RBFOX2: variants seen among roughly 807,000 people sequenced by gnomAD.
The protein encoded by RBFOX2 is RNA binding fox-1 homolog 2.
RBFOX2 carries 10 observed loss-of-function variants against 49.1 expected under a neutral mutation model. The ratio of observed to expected loss-of-function variants is 0.20; its 90% CI spans 0.13 to 0.35. The LOEUF is 0.35. RBFOX2 is among the 10% of genes least tolerant of loss of function. The pLI is 1.00. For synonymous variants in RBFOX2, 183 were observed against 187.4 expected, an observed-to-expected ratio of 0.98 and a Z score of 0.19; for missense variants, 323 against 486.9, an observed-to-expected ratio of 0.66 and a Z score of 3.17.
chr22:35,862,829 A>T (rs1293523943), intron 1 of RBFOX2, among the ~76,000 whole-genome samples: 1 of 152,176 alleles, frequency 6.6e-6, no homozygotes, highest in Non-Finnish European at 1.5e-5. Context: ...TACCTATCTC[A>T]TGGGGCTGCT....
chr22:36,028,574 C>A, exon 1 of RBFOX2: 1 of 734,382 alleles, frequency 1.4e-6, no homozygotes, highest in Non-Finnish European at 1.7e-6. Context: ...GGACTCCGCG[C>A]CCCTCCGCGC....
chr22:35,860,508 T>C (rs778901489), intron 1 of RBFOX2, among the ~76,000 whole-genome samples: 2 of 152,214 alleles, frequency 1.3e-5, no homozygotes, highest in Admixed American at 6.5e-5. Context: ...GTGGGAAAGT[T>C]TGTTACACAG....
intron 9 of RBFOX2, among the ~76,000 whole-genome samples, chr22:35,752,988 CAG>C (rs772779186): frequency 2.6e-5 from 4 of 152,096 alleles, no homozygotes; most frequent in Non-Finnish European, 4.4e-5. Context: ...ATAAAAGAAA[CAG>C]AAAGTAAATG....
intron 1 of RBFOX2, among the ~76,000 whole-genome samples, chr22:35,890,371 C>T (rs543984178): frequency 3.9e-5 from 6 of 152,140 alleles, no homozygotes; most frequent in South Asian, 4.1e-4. Context: ...ATATATACTA[C>T]GATTAAGTTT....
chr22:35,937,649 G>A (rs534560099), intron 1 of RBFOX2, among the ~76,000 whole-genome samples: 16 of 152,262 alleles, frequency 1.1e-4, no homozygotes, highest in African/African-American at 3.1e-4. Flanking sequence ...GGAATGCAAT[G>A]GTGTAGTCTC....
At chr22:35,821,813 G>T in intron 1 of RBFOX2, 1 of 518,870 alleles carries the variant, frequency 1.9e-6, no homozygotes, top group South Asian at 1.4e-5. Context: ...TAGGACTGTA[G>T]GACCTGGCCT....
intron 4 of RBFOX2, among the ~76,000 whole-genome samples, chr22:35,769,054 T>C (rs563014404): frequency 6.6e-6 from 1 of 152,192 alleles, no homozygotes; most frequent in Non-Finnish European, 1.5e-5. Flanking sequence ...ATGCCCTTTT[T>C]AAATGACCAG....
chr22:35,968,348 CA>C (rs1342540180), intron 1 of RBFOX2, among the ~76,000 whole-genome samples: 1 of 152,142 alleles, frequency 6.6e-6, no homozygotes, highest in Non-Finnish European at 1.5e-5. Context: ...TCATAAGCCT[CA>C]AAATAGAATT....
chr22:35,924,155 T>C (rs1185910092), intron 1 of RBFOX2, among the ~76,000 whole-genome samples: 5 of 152,210 alleles, frequency 3.3e-5, no homozygotes, highest in African/African-American at 1.2e-4. Context: ...ATAGTCAGTA[T>C]TCCACCTGTT....
chr22:35,761,203 G>A (rs774540715), exon 8 of RBFOX2: 6 of 1,612,022 alleles, frequency 3.7e-6, no homozygotes, highest in Middle Eastern at 3.3e-4. Context: ...GCTACTTACT[G>A]ATTAAAGGAA....
upstream of RBFOX2, among the ~76,000 whole-genome samples, chr22:35,962,869 G>C (rs751651669): frequency 9.2e-5 from 14 of 151,788 alleles, no homozygotes; most frequent in Non-Finnish European, 1.8e-4. Context: ...CTGAATCAAC[G>C]CAGTGGCTAT....
chr22:35,868,325 T>C (rs1273638276), intron 1 of RBFOX2, among the ~76,000 whole-genome samples: 1 of 152,200 alleles, frequency 6.6e-6, no homozygotes, highest in South Asian at 2.1e-4. Context: ...TTGAATCAAA[T>C]AAGGACCAAT....
intron 1 of RBFOX2, among the ~76,000 whole-genome samples, chr22:35,923,040 G>A (rs1372714821): frequency 6.6e-6 from 1 of 152,202 alleles, no homozygotes; most frequent in African/African-American, 2.4e-5. Flanking sequence ...CCTGCACGTG[G>A]TGAGGGGTCA....
intron 1 of RBFOX2, among the ~76,000 whole-genome samples, chr22:35,937,321 A>T (rs1218580517): frequency 6.6e-6 from 1 of 152,200 alleles, no homozygotes; most frequent in East Asian, 1.9e-4. Flanking sequence ...ATAAATCTTT[A>T]CATTCTCTTT....
intron 9 of RBFOX2, chr22:35,748,427 A>G (rs1933628993): frequency 6.6e-6 from 1 of 152,056 alleles, no homozygotes. Context: ...ATCTGGGCAA[A>G]GCTGTAAATC....
intron 1 of RBFOX2, among the ~76,000 whole-genome samples, chr22:35,901,889 C>T (rs1157984858): frequency 6.6e-6 from 1 of 152,080 alleles, no homozygotes; most frequent in Non-Finnish European, 1.5e-5. Flanking sequence ...CAAGACCAGC[C>T]TGGCCAACAT....
At chr22:35,978,054 G>C (rs2057283607) in intron 1 of RBFOX2, among the ~76,000 whole-genome samples, 1 of 152,088 alleles carries the variant, frequency 6.6e-6, no homozygotes, top group South Asian at 2.1e-4. Flanking sequence ...GAGGATTCCA[G>C]AACATGAGGA....
intron 1 of RBFOX2, among the ~76,000 whole-genome samples, chr22:35,853,658 CGTGTGTGTGTGTGTGTGT>C (rs36048607): frequency 0.013 from 1,841 of 141,134 alleles, 40 homozygotes; most frequent in African/African-American, 0.043. Flanking sequence ...TATATACACA[CGTGTGTGTGTGTGTGTGT>C]GTGTGTGTGT....
intron 1 of RBFOX2, among the ~76,000 whole-genome samples, chr22:35,824,063 C>T (rs1329634402): frequency 6.6e-6 from 1 of 151,932 alleles, no homozygotes; most frequent in East Asian, 1.9e-4. Flanking sequence ...GCAGGAGATT[C>T]GCTTCAACTC....
Sources: allele counts gnomAD v4.1 joint callset (sites outside exome capture counted in the v4.1 genomes callset), GRCh38; gene constraint gnomAD v4.1.1; transcripts MANE v1.5; gene names NCBI Gene and HGNC (gene_info 2026-07-23, HGNC 2026-07-21).